Variants in ITIH5 observed in about 807,000 individuals in gnomAD.
The protein encoded by ITIH5 is inter-alpha-trypsin inhibitor heavy chain 5, also known as inter-alpha-trypsin inhibitor heavy chain H5.
A neutral mutation model predicts 77.5 loss-of-function variants in ITIH5; 65 were observed. The ratio of observed to expected loss-of-function variants is 0.84; its 90% CI spans 0.69 to 1.03. ITIH5 has a LOEUF of 1.03. Among genes scored for constraint, ITIH5 ranks in the 50% least tolerant of loss-of-function variants. The probability of loss-of-function intolerance (pLI) is 0.00; values close to 1 mark genes in which losing one functional copy is unlikely to be tolerated. For synonymous variants in ITIH5, 525 were observed against 494.3 expected (o/e 1.06, Z -0.82); for missense variants, 1,208 against 1,213.1 (o/e 1.00, Z 0.06).
At chr10:7,644,814 TATATCATATATATCACATA>T in intron 2 of ITIH5, among the ~76,000 whole-genome samples, 1 of 140,974 alleles carries the variant, frequency 7.1e-6, no homozygotes, top group East Asian at 2.0e-4. Context: ...ATATCACATA[TATATCATATATATCACATA>T]TATATCACAT....
At chr10:7,576,424 C>T (rs770699509) in intron 10 of ITIH5, 29 bp downstream of exon 10, 1 of 1,512,424 alleles carries the variant, frequency 6.6e-7, no homozygotes, top group South Asian at 1.3e-5. Flanking sequence ...CCGCGTCCCC[C>T]ACACCTGGCT....
intron 8 of ITIH5, among the ~76,000 whole-genome samples, 196 bp from the exon 9 acceptor site, chr10:7,580,260 A>G (rs1832523243): frequency 6.6e-6 from 1 of 152,186 alleles, no homozygotes; most frequent in African/African-American, 2.4e-5. Flanking sequence ...AGCTGGGATT[A>G]CAGGTGCACA....
At chr10:7,594,402 C>T (rs1832854561) in intron 7 of ITIH5, among the ~76,000 whole-genome samples, 1 of 152,168 alleles carries the variant, frequency 6.6e-6, no homozygotes, top group South Asian at 2.1e-4. Context: ...CTCTAGGGGC[C>T]TTCCATGCTA....
At chr10:7,636,426 C>A (rs924819793) in intron 5 of ITIH5, among the ~76,000 whole-genome samples, 5 of 152,088 alleles carry the variant, frequency 3.3e-5, no homozygotes, top group African/African-American at 1.2e-4. Flanking sequence ...CAATCTCATA[C>A]CCCTGATACA....
At chr10:7,568,850 C>G (rs2130943476) in intron 12 of ITIH5, among the ~76,000 whole-genome samples, 1 of 152,260 alleles carries the variant, frequency 6.6e-6, no homozygotes, top group African/African-American at 2.4e-5. Context: ...GGCACACAGA[C>G]AGAACTGTGG....
chr10:7,563,817 C>T (rs1832087777), intron 13 of ITIH5, among the ~76,000 whole-genome samples: 1 of 152,230 alleles, frequency 6.6e-6, no homozygotes, highest in Non-Finnish European at 1.5e-5. Context: ...TCCTCTCTGA[C>T]CCTCGTCCTC....
intron 5 of ITIH5, among the ~76,000 whole-genome samples, chr10:7,627,245 T>C (rs1833596256): frequency 2.7e-5 from 4 of 149,706 alleles, no homozygotes; most frequent in African/African-American, 7.5e-5. Context: ...ATGGCACATG[T>C]ATACCTATGT....
At chr10:7,583,623 T>C (rs1832613472) in intron 8 of ITIH5, among the ~76,000 whole-genome samples, 1 of 152,220 alleles carries the variant, frequency 6.6e-6, no homozygotes, top group South Asian at 2.1e-4. Context: ...TATGAGCCAC[T>C]GCGCCTGGCC....
At chr10:7,586,482 C>A (rs769910717) in intron 7 of ITIH5, among the ~76,000 whole-genome samples, 48 of 152,280 alleles carry the variant, frequency 3.2e-4, no homozygotes, top group South Asian at 6.2e-4. Flanking sequence ...GCTGATCATT[C>A]CCTCCCTTAG....
At chr10:7,586,099 C>T (rs1414592208) in intron 7 of ITIH5, 30 bp from the exon 8 acceptor site, 4 of 1,591,410 alleles carry the variant, frequency 2.5e-6, no homozygotes, top group Middle Eastern at 1.9e-4. Flanking sequence ...AAACCAGTCA[C>T]AGCTGCTCAC....
chr10:7,638,408 C>T (rs901282792), intron 4 of ITIH5, among the ~76,000 whole-genome samples: 3 of 152,112 alleles, frequency 2.0e-5, no homozygotes, highest in Admixed American at 1.3e-4. Flanking sequence ...CACCGAAACC[C>T]GCCATTGTAA....
chr10:7,587,767 G>A (rs746956407), intron 7 of ITIH5, among the ~76,000 whole-genome samples: 22 of 152,160 alleles, frequency 1.4e-4, no homozygotes, highest in Admixed American at 2.6e-4. Flanking sequence ...CGGTGAAGTC[G>A]GGAGTGGTGG....
chr10:7,576,260 C>T (rs1832411314), intron 10 of ITIH5, among the ~76,000 whole-genome samples, 193 bp downstream of exon 10: 2 of 152,162 alleles, frequency 1.3e-5, no homozygotes, highest in Non-Finnish European at 2.9e-5. Context: ...CTCATGGCCT[C>T]AAGGGATCCC....
chr10:7,638,771 A>G (rs1214352814), intron 4 of ITIH5, among the ~76,000 whole-genome samples: 4 of 152,208 alleles, frequency 2.6e-5, no homozygotes, highest in African/African-American at 9.7e-5. Context: ...AAAAGCAATG[A>G]AAGTATTTCA....
chr10:7,565,912 G>A (rs2130937368), intron 13 of ITIH5, 118 bp downstream of exon 13: 1 of 1,403,604 alleles, frequency 7.1e-7, no homozygotes, highest in South Asian at 1.4e-5. Context: ...TATATATAAT[G>A]AAAACCACAT....
intron 7 of ITIH5, among the ~76,000 whole-genome samples, chr10:7,600,319 A>C (rs1588389600): frequency 6.6e-6 from 1 of 151,916 alleles, no homozygotes; most frequent in Middle Eastern, 3.4e-3. Context: ...GACCTCTGAA[A>C]CCCCATTTTC....
rs377411908 is a variant in ITIH5 at position 7,576,708 on chromosome 10, G to T, written c.1723C>A (p.Arg575Ser). 1.2e-6 allele frequency: 2 copies of T among 1,614,016 alleles called. No homozygotes were observed. Among genetic ancestry groups the T allele is most frequent in the Non-Finnish European group, 1.7e-6 (2 of 1,180,002 alleles). ...TTTGTGGTGAGGTAGCTCCAGAGAC[G>T]CTCGATGTGGTTGGTGTCCCCCTCT... Reference protein sequence around the residue: ...DGEGDTNHIERLWSYLTTKEL... With the variant: ...DGEGDTNHIESLWSYLTTKEL... The change falls in exon 10 of 14, where the codon CGT becomes AGT. Residue 575 changes from arginine to serine, a missense_variant. By Grantham distance (110) the Arg-to-Ser change is moderately radical. Transcript: ENST00000397146.
chr10:7,573,233 T>C (rs1365589037), intron 10 of ITIH5, 38 bp from the exon 11 acceptor site: 10 of 1,558,142 alleles, frequency 6.4e-6, no homozygotes, highest in Middle Eastern at 1.7e-4. Context: ...TGGTCATTCC[T>C]TAAAGAAGAT....
chr10:7,655,425 A>G (rs539471003), intron 2 of ITIH5, among the ~76,000 whole-genome samples: 17 of 152,336 alleles, frequency 1.1e-4, no homozygotes, highest in Admixed American at 2.6e-4. Context: ...CTACTGAAAT[A>G]ATCAGGTCTC....
Sources: gnomAD v4.1 joint callset for allele counts (sites outside exome capture counted in the v4.1 genomes callset) on GRCh38, gnomAD v4.1.1 for gene constraint, MANE v1.5 for transcripts, NCBI Gene and HGNC (gene_info 2026-07-23, HGNC 2026-07-21) for gene names.